Variants in PCDH19 observed in about 807,000 individuals in gnomAD.
PCDH19 encodes the protein protocadherin-19.
PCDH19 carries 6 observed loss-of-function variants against 46.2 expected under a neutral mutation model. That is an observed-to-expected ratio of 0.13 (90% CI 0.07 to 0.26). PCDH19 has a LOEUF of 0.26. PCDH19 is among the 10% of genes least tolerant of loss of function. The pLI is 1.00. For missense variants in PCDH19, 740 were observed against 972.3 expected (o/e 0.76, Z 3.18); for synonymous variants, 481 against 415.7 (o/e 1.16, Z -1.91).
At chrX:100,314,970 T>C (rs906407910) in intron 5 of PCDH19, among the ~76,000 whole-genome samples, 9 of 111,986 alleles carry the variant, frequency 8.0e-5, no homozygotes, top group African/African-American at 9.7e-5. Flanking sequence ...TCCTTCAGTT[T>C]TGTGGCCTTC....
At chrX:100,363,886 T>TGTGTGTGTGTGTGTGTGTGAGA (rs1207488480) in intron 3 of PCDH19, among the ~76,000 whole-genome samples, 1 of 98,043 alleles carries the variant, frequency 1.0e-5, no homozygotes, top group African/African-American at 3.9e-5. Flanking sequence ...TGTGTGTGTG[T>TGTGTGTGTGTGTGTGTGTGAGA]GAGAGAGAGG....
intron 5 of PCDH19, among the ~76,000 whole-genome samples, chrX:100,319,458 T>C (rs1037835659): frequency 3.6e-5 from 4 of 111,868 alleles, no homozygotes; most frequent in Non-Finnish European, 7.5e-5. Context: ...ATGAGGGCTA[T>C]TTGATTCAGG....
chrX:100,358,388 A>T (rs187428368), intron 3 of PCDH19, among the ~76,000 whole-genome samples: 1 of 112,341 alleles, frequency 8.9e-6, no homozygotes, highest in Admixed American at 9.4e-5. Context: ...TTAAATTGAA[A>T]GAATTCCCCT....
At chrX:100,392,200 C>T (rs1602626155) in intron 3 of PCDH19, among the ~76,000 whole-genome samples, 2 of 112,185 alleles carry the variant, frequency 1.8e-5, no homozygotes, top group Non-Finnish European at 3.8e-5. Context: ...CTACATAATG[C>T]ATAGTTTTTG....
chrX:100,379,111 G>A (rs1927467114), intron 3 of PCDH19, among the ~76,000 whole-genome samples: 1 of 111,138 alleles, frequency 9.0e-6, no homozygotes, highest in Admixed American at 9.6e-5. Flanking sequence ...GATTAGGGAA[G>A]AAGATGAATC....
intron 3 of PCDH19, among the ~76,000 whole-genome samples, chrX:100,370,799 T>G (rs1927194096): frequency 9.0e-6 from 1 of 111,391 alleles, no homozygotes; most frequent in Admixed American, 9.6e-5. Context: ...CCTATAATCT[T>G]TCATTTTTAG....
chrX:100,300,441 C>G (rs1262148548), intron 5 of PCDH19, among the ~76,000 whole-genome samples: 1 of 111,494 alleles, frequency 9.0e-6, no homozygotes, highest in African/African-American at 3.3e-5. Flanking sequence ...GAGAGATGGG[C>G]TCACGATTCA....
Position 100,294,891 on chromosome X carries a change from CAA to C in PCDH19, c.*1384_*1385del, listed in dbSNP as rs1477693410. 1.8e-5 allele frequency: 2 copies of C among 112,317 alleles called. No individual in the cohort carries two copies. The highest frequency in any genetic ancestry group is 2.8e-4 in the East Asian group (1 of 3,573). The allele number at this position is 112,317 out of a possible 1,213,427, so 9.3% of individuals were successfully genotyped here. On this transcript the variant is annotated 3_prime_UTR_variant, in exon 6 of 6. Coordinates refer to ENST00000373034, the MANE Select transcript of PCDH19 (RefSeq NM_001184880.2). ...AAAAGGGTGTATTCCTAGCCTACAG[CAA>C]AAAGAGTTGGCTAAATCGAAAGGAT...
At chrX:100,345,396 T>C (rs1205636047) in intron 4 of PCDH19, among the ~76,000 whole-genome samples, 1 of 111,651 alleles carries the variant, frequency 9.0e-6, no homozygotes, top group Admixed American at 9.5e-5. Context: ...AGTTCTCCTG[T>C]CAAATGGCCA....
chrX:100,376,711 G>T (rs1927398469), intron 3 of PCDH19, among the ~76,000 whole-genome samples: 1 of 111,299 alleles, frequency 9.0e-6, no homozygotes, highest in African/African-American at 3.3e-5. Context: ...ATGCAGAGAA[G>T]ATTCATTTAT....
rs755008766 is a variant in PCDH19, at chrX:100,333,183, G to GAGAAAGAA, written c.2848+8712_2848+8719dup. Among the ~76,000 whole-genome samples the GAGAAAGAA allele has an allele frequency of 2.3e-3, 101 of 43,380 alleles. 2 individuals carry two copies. The highest frequency in any genetic ancestry group is 7.4e-3 in the East Asian group (7 of 947). The allele number at this position is 43,380 out of a possible 115,157, so 37.7% of individuals were successfully genotyped here. A position where few individuals can be genotyped will look rare whatever the true frequency, so the allele number is the denominator to read the frequency against. On this transcript the variant is annotated intron_variant, in intron 5 of 5. Coordinates refer to ENST00000373034, the MANE Select transcript of PCDH19 (RefSeq NM_001184880.2). Reference sequence around the variant, plus strand: ...GAAGGAAGGAAGGAAGGGAGAGAGAGAGAAAGAAAGAAAGAAAGAAAGAAA... The same window carrying GAGAAAGAA: ...GAAGGAAGGAAGGAAGGGAGAGAGAGAGAAAGAAAGAAAGAAAGAAAGAAAGAAAGAAA...
intron 3 of PCDH19, among the ~76,000 whole-genome samples, chrX:100,398,828 A>C (rs1160064625): frequency 2.7e-5 from 3 of 111,938 alleles, no homozygotes; most frequent in Admixed American, 1.9e-4. Context: ...AATCCCTTTG[A>C]GAGTAAGCCC....
Position 100,365,068 on chromosome X carries a change from A to C in PCDH19, c.2617-14364T>G, listed in dbSNP as rs1367074022. On this transcript the variant is annotated intron_variant, in intron 3 of 5. Transcript: ENST00000373034. ...ATGAGAAACACCTGTAGAACTGTGT[A>C]TCTCAATGTCCCAATTTTAAAAATT... Among the ~76,000 whole-genome samples, 2 of 112,344 alleles carry C rather than the reference A, an allele frequency of 1.8e-5. 1 individual carries two copies. The highest frequency in any genetic ancestry group is 3.8e-5 in the Non-Finnish European group (2 of 53,260).
chrX:100,382,470 G>T (rs974579421), intron 3 of PCDH19, among the ~76,000 whole-genome samples: 1 of 112,387 alleles, frequency 8.9e-6, no homozygotes, highest in African/African-American at 3.2e-5. Context: ...CCATGAACTG[G>T]CTATTTAAAA....
chrX:100,377,531 CCCAGACTGATGCATAGGTGTTCAATA>C (rs1292131253), intron 3 of PCDH19, among the ~76,000 whole-genome samples: 4 of 112,085 alleles, frequency 3.6e-5, no homozygotes, highest in Admixed American at 9.5e-5. Flanking sequence ...CAGTATCTAG[CCCAGACTGATGCATAGGTGTTCAATA>C]CCACACAGCT....
intron 3 of PCDH19, among the ~76,000 whole-genome samples, chrX:100,360,552 T>C (rs1043027058): frequency 8.9e-6 from 1 of 112,402 alleles, no homozygotes; most frequent in African/African-American, 3.2e-5. Flanking sequence ...CATTCACTTA[T>C]ATTTACTGTC....
chrX:100,336,026 C>T (rs1283218177), intron 5 of PCDH19, among the ~76,000 whole-genome samples: 1 of 112,256 alleles, frequency 8.9e-6, no homozygotes, highest in Non-Finnish European at 1.9e-5. Flanking sequence ...CTCAAAGATG[C>T]TAATTCAGGT....
intron 3 of PCDH19, among the ~76,000 whole-genome samples, chrX:100,356,517 T>C (rs964190205): frequency 9.0e-6 from 1 of 110,499 alleles, no homozygotes; most frequent in African/African-American, 3.4e-5. Flanking sequence ...AAAATGAATA[T>C]GCAAATTCTG....
At chrX:100,362,331 C>T (rs1029819085) in intron 3 of PCDH19, among the ~76,000 whole-genome samples, 1 of 111,408 alleles carries the variant, frequency 9.0e-6, no homozygotes, top group Admixed American at 9.6e-5. Context: ...ACACTTTTAT[C>T]GGGGCTAAAC....
Sources: allele counts gnomAD v4.1 joint callset (sites outside exome capture counted in the v4.1 genomes callset), GRCh38; gene constraint gnomAD v4.1.1; transcripts MANE v1.5; gene names NCBI Gene and HGNC (gene_info 2026-07-23, HGNC 2026-07-21).